STXBP5L: variants seen among roughly 807,000 people sequenced by gnomAD.
The protein encoded by STXBP5L is syntaxin binding protein 5L.
STXBP5L carries 65 observed loss-of-function variants against 144.5 expected under a neutral mutation model. That is an observed-to-expected ratio of 0.45 (90% confidence interval 0.37 to 0.55). STXBP5L has a LOEUF of 0.55. STXBP5L is among the 20% of genes least tolerant of loss of function. The pLI, the probability that STXBP5L is intolerant of heterozygous loss-of-function variation, is 0.00. For missense variants in STXBP5L, 1,298 were observed against 1,405.5 expected, an observed-to-expected ratio of 0.92 and a Z score of 1.22; for synonymous variants, 505 against 469.6, an observed-to-expected ratio of 1.08 and a Z score of -0.97.
intron 10 of STXBP5L, among the ~76,000 whole-genome samples, chr3:121,207,739 T>C (rs771992502): frequency 6.6e-6 from 1 of 152,130 alleles, no homozygotes; most frequent in African/African-American, 2.4e-5. Context: ...AAAATGCTCA[T>C]CATCACTGGC....
Position 121,008,255 on chromosome 3 carries a change from A to T in STXBP5L, c.288-33445A>T, listed in dbSNP as rs77872166. On this transcript the variant is annotated intron_variant, in intron 3 of 26. Transcript: ENST00000471454. Reference sequence around the variant, plus strand: ...CTAGCCCCTCATAATAATCAGGGTCAGTTCCCAGTATAATAACTCATTCCT... The same window carrying T: ...CTAGCCCCTCATAATAATCAGGGTCTGTTCCCAGTATAATAACTCATTCCT... 3.7e-3 allele frequency among the ~76,000 whole-genome samples: 570 copies of T among 152,104 alleles called. 2 individuals carry two copies. The highest frequency in any genetic ancestry group is 6.8e-3 in the Middle Eastern group (2 of 294).
At chr3:120,983,120 T>C (rs1941954317) in intron 3 of STXBP5L, among the ~76,000 whole-genome samples, 2 of 152,094 alleles carry the variant, frequency 1.3e-5, no homozygotes, top group South Asian at 4.1e-4. Context: ...TTGAGGCATA[T>C]GAAAGTGCCT....
intron 7 of STXBP5L, among the ~76,000 whole-genome samples, chr3:121,135,147 T>C (rs1183242067): frequency 6.6e-6 from 1 of 152,228 alleles, no homozygotes; most frequent in African/African-American, 2.4e-5. Flanking sequence ...TGCATTTCTC[T>C]GATGGCCAGT....
At chr3:121,154,401 C>T (rs2046044265) in intron 8 of STXBP5L, among the ~76,000 whole-genome samples, 2 of 151,788 alleles carry the variant, frequency 1.3e-5, no homozygotes. Flanking sequence ...TTACTACACA[C>T]AGTGACCTCT....
intron 3 of STXBP5L, among the ~76,000 whole-genome samples, chr3:120,984,643 T>A (rs1361229769): frequency 2.1e-5 from 3 of 145,050 alleles, no homozygotes; most frequent in Non-Finnish European, 4.5e-5. Context: ...TTTTTTTTTT[T>A]TTTTTTTTTT....
At chr3:121,367,379 C>T (rs1175602047) in intron 20 of STXBP5L, among the ~76,000 whole-genome samples, 1 of 152,016 alleles carries the variant, frequency 6.6e-6, no homozygotes, top group Non-Finnish European at 1.5e-5. Flanking sequence ...TTATTCCTTA[C>T]TTTTGAAGGA....
chr3:121,358,192 A>G (rs1247863607), intron 20 of STXBP5L, among the ~76,000 whole-genome samples: 4 of 152,100 alleles, frequency 2.6e-5, no homozygotes, highest in Non-Finnish European at 5.9e-5. Flanking sequence ...TGTTCTGTCA[A>G]ATAGTAGGTC....
At chr3:121,347,070 G>A (rs1188983238) in intron 20 of STXBP5L, among the ~76,000 whole-genome samples, 1 of 152,106 alleles carries the variant, frequency 6.6e-6, no homozygotes, top group Non-Finnish European at 1.5e-5. Context: ...TTCTTTTAGG[G>A]TTTTTATGGT....
chr3:120,991,869 A>G (rs950288491), intron 3 of STXBP5L, among the ~76,000 whole-genome samples: 10 of 152,286 alleles, frequency 6.6e-5, no homozygotes, highest in African/African-American at 2.4e-4. Flanking sequence ...TTAAATGACG[A>G]GTTAATGGGT....
In STXBP5L at chr3:121,305,081, T is replaced by G. The variant is rs150773833; in HGVS notation, c.2111-13394T>G. On this transcript the variant is annotated intron_variant, in intron 19 of 26. Transcript: ENST00000471454. ...TGACAATTTAGATGAAATTAAGAGA[T>G]TCCTTGAAAGACAAAACTCACCAAA... 1.1e-3 allele frequency among the ~76,000 whole-genome samples: 160 copies of G among 152,170 alleles called. 1 individual carries two copies. Among genetic ancestry groups the G allele is most frequent in the Middle Eastern group, 3.4e-3 (1 of 294 alleles).
At chr3:121,413,594 A>G (rs2047169572) in intron 24 of STXBP5L, among the ~76,000 whole-genome samples, 1 of 152,130 alleles carries the variant, frequency 6.6e-6, no homozygotes, top group African/African-American at 2.4e-5. Flanking sequence ...CCTATGGAGA[A>G]TCTTATAAAA....
intron 2 of STXBP5L, among the ~76,000 whole-genome samples, chr3:120,948,069 A>C (rs1483145011): frequency 2.0e-5 from 3 of 151,818 alleles, no homozygotes; most frequent in African/African-American, 4.8e-5. Context: ...TTCTAACAGC[A>C]ATGTATTAGG....
At chr3:121,268,071 G>C (rs1224084067) in intron 18 of STXBP5L, among the ~76,000 whole-genome samples, 1 of 152,072 alleles carries the variant, frequency 6.6e-6, no homozygotes, top group East Asian at 1.9e-4. Context: ...TATACCCAAA[G>C]GATTATAAAT....
At chr3:121,163,351 C>T (rs1242036823) in intron 9 of STXBP5L, among the ~76,000 whole-genome samples, 2 of 151,686 alleles carry the variant, frequency 1.3e-5, no homozygotes, top group African/African-American at 2.4e-5. Context: ...TGTTCTCACT[C>T]ATAAGTGGGG....
intron 20 of STXBP5L, among the ~76,000 whole-genome samples, chr3:121,363,922 T>G (rs1170795472): frequency 6.6e-6 from 1 of 152,184 alleles, no homozygotes; most frequent in Non-Finnish European, 1.5e-5. Context: ...CTTTATATAT[T>G]CCAGATAATA....
At chr3:121,374,998 T>C (rs953603807) in intron 20 of STXBP5L, among the ~76,000 whole-genome samples, 1 of 117,652 alleles carries the variant, frequency 8.5e-6, no homozygotes, top group Non-Finnish European at 1.6e-5. Context: ...ATAATAGACA[T>C]TGAAGACTCA....
chr3:120,911,160 A>T (rs756709610), intron 2 of STXBP5L, among the ~76,000 whole-genome samples: 1 of 152,128 alleles, frequency 6.6e-6, no homozygotes, highest in Admixed American at 6.5e-5. Flanking sequence ...TAAAACTGGT[A>T]TAGGAAAGAT....
At chr3:121,154,081 A>C (rs2046032467) in intron 8 of STXBP5L, among the ~76,000 whole-genome samples, 1 of 151,824 alleles carries the variant, frequency 6.6e-6, no homozygotes, top group South Asian at 2.1e-4. Flanking sequence ...TATGGAAGAA[A>C]CGTTTTGAGC....
At chr3:121,063,011 A>G (rs561791413) in intron 5 of STXBP5L, among the ~76,000 whole-genome samples, 17 of 152,296 alleles carry the variant, frequency 1.1e-4, no homozygotes, top group Admixed American at 2.0e-4. Context: ...ACTTCTGTCA[A>G]TTCATCAAAC....
Sources: allele counts gnomAD v4.1 joint callset (sites outside exome capture counted in the v4.1 genomes callset), GRCh38; gene constraint gnomAD v4.1.1; transcripts MANE v1.5; gene names NCBI Gene and HGNC (gene_info 2026-07-23, HGNC 2026-07-21).